Variants in SND1 observed in about 807,000 individuals in gnomAD.
SND1 encodes staphylococcal nuclease domain-containing protein 1.
SND1 carries 38 observed loss-of-function variants against 121.7 expected under a neutral mutation model. That is an observed-to-expected ratio of 0.31 (90% confidence interval 0.24 to 0.41). The LOEUF is 0.41. SND1 is among the 10% of genes least tolerant of loss of function. The pLI, the probability that SND1 is intolerant of heterozygous loss-of-function variation, is 1.00. For synonymous variants in SND1, 401 were observed against 447.4 expected, an observed-to-expected ratio of 0.90 and a Z score of 1.31; for missense variants, 868 against 1,184.6, an observed-to-expected ratio of 0.73 and a Z score of 3.92.
chr7:128,030,526 C>T (rs779286066), intron 16 of SND1: 3 of 1,613,154 alleles, frequency 1.9e-6, no homozygotes, highest in African/African-American at 2.7e-5. Context: ...CCGGCTGAGG[C>T]GGCAGCAGCG....
At chr7:127,888,236 G>A (rs944323266) in intron 13 of SND1, among the ~76,000 whole-genome samples, 1 of 152,032 alleles carries the variant, frequency 6.6e-6, no homozygotes, top group Non-Finnish European at 1.5e-5. Flanking sequence ...ATGTAAAATA[G>A]GTATATATTA....
At chr7:127,893,980 T>C (rs1004292061) in intron 13 of SND1, among the ~76,000 whole-genome samples, 2 of 152,092 alleles carry the variant, frequency 1.3e-5, no homozygotes, top group Non-Finnish European at 2.9e-5. Flanking sequence ...TTTAGTGAGA[T>C]TGGCAGTGCC....
At chr7:127,694,692 A>G (rs1795977888) in intron 2 of SND1, 136 bp from the exon 3 acceptor site, 1 of 986,890 alleles carries the variant, frequency 1.0e-6, no homozygotes, top group Admixed American at 2.3e-5. Context: ...TTTCATTTTT[A>G]TATTCTCAAG....
intron 12 of SND1, among the ~76,000 whole-genome samples, chr7:127,885,466 AAG>A (rs1263205479): frequency 2.0e-5 from 3 of 152,162 alleles, no homozygotes; most frequent in African/African-American, 7.2e-5. Context: ...CTTTAAAGGA[AAG>A]AGAGAAGAAA....
intron 1 of SND1, among the ~76,000 whole-genome samples, chr7:127,657,207 AT>A (rs1795226946): frequency 6.6e-6 from 1 of 152,250 alleles, no homozygotes; most frequent in Non-Finnish European, 1.5e-5. Context: ...AGTAGATCAA[AT>A]TTCTATCCTT....
At chr7:127,686,959 G>T in intron 2 of SND1, 197 bp downstream of exon 2, 2 of 533,464 alleles carry the variant, frequency 3.7e-6, no homozygotes, top group Non-Finnish European at 6.3e-6. Context: ...GGCAGTTGAA[G>T]TCTTAGAGCT....
At chr7:127,908,480 A>G (rs774754188) in intron 14 of SND1, among the ~76,000 whole-genome samples, 5 of 151,908 alleles carry the variant, frequency 3.3e-5, no homozygotes, top group Admixed American at 2.0e-4. Context: ...GTTTTTTGTT[A>G]TTTCCAATTT....
intron 10 of SND1, among the ~76,000 whole-genome samples, chr7:127,751,555 G>C (rs1214737832): frequency 6.6e-6 from 1 of 152,018 alleles, no homozygotes; most frequent in Non-Finnish European, 1.5e-5. Flanking sequence ...AAGGAAGTTG[G>C]CTAGAGAGAG....
intron 14 of SND1, among the ~76,000 whole-genome samples, chr7:127,913,169 T>C (rs1800494523): frequency 6.6e-6 from 1 of 152,226 alleles, no homozygotes; most frequent in African/African-American, 2.4e-5. Flanking sequence ...GAGACAGGGC[T>C]TCTTTATTTG....
chr7:127,681,582 A>G (rs1562976576), intron 1 of SND1, among the ~76,000 whole-genome samples: 2 of 152,300 alleles, frequency 1.3e-5, no homozygotes, highest in East Asian at 1.9e-4. Context: ...GTAGATTTAC[A>G]GGTTTGTTTT....
chr7:128,082,021 T>C (rs1793611873), intron 18 of SND1: 1 of 525,734 alleles, frequency 1.9e-6, no homozygotes, highest in East Asian at 5.5e-5. Context: ...GGCAGCGCTC[T>C]AGGGGAAGAC....
At chr7:128,089,440 A>G (rs1435419278) in intron 21 of SND1, 49 bp from the exon 22 acceptor site, 1 of 1,543,546 alleles carries the variant, frequency 6.5e-7, no homozygotes, top group East Asian at 2.3e-5. Flanking sequence ...GCTGGGGCCC[A>G]AGTGGTTGTT....
rs1554443863 is a variant in SND1 at position 127,926,720 on chromosome 7, T to TTGTTGTTG, written c.1528-2467_1528-2466insGTTGTTGT. Among the ~76,000 whole-genome samples the TTGTTGTTG allele has an allele frequency of 6.7e-3, 958 of 142,848 alleles. 9 individuals carry two copies. Among genetic ancestry groups the TTGTTGTTG allele is most frequent in the Middle Eastern group, 0.011 (3 of 282 alleles). The allele number at this position is 142,848 out of a possible 152,430, so 93.7% of individuals were successfully genotyped here. On this transcript the variant is annotated intron_variant, in intron 14 of 23. Coordinates refer to ENST00000354725, the MANE Select transcript of SND1 (RefSeq NM_014390.4). ...GGTGCCCACCACCACACCCGGCTAT[T>TTGTTGTTG]TTGTTGTTGTTGTTGTTGTTGTTGT...
chr7:127,801,180 C>A (rs747513138), intron 10 of SND1, among the ~76,000 whole-genome samples: 1 of 152,202 alleles, frequency 6.6e-6, no homozygotes, highest in East Asian at 1.9e-4. Context: ...TGCCACATAG[C>A]GCCACATCAA....
chr7:127,941,177 A>G (rs1801192312), intron 15 of SND1, among the ~76,000 whole-genome samples: 1 of 152,122 alleles, frequency 6.6e-6, no homozygotes, highest in South Asian at 2.1e-4. Context: ...TACTTAAATG[A>G]CCCTCTTAAT....
chr7:127,740,292 A>G (rs1421930050), intron 10 of SND1, among the ~76,000 whole-genome samples: 1 of 151,922 alleles, frequency 6.6e-6, no homozygotes, highest in Admixed American at 6.6e-5. Flanking sequence ...TAAAAAAGCC[A>G]TTTTCTTTAG....
intron 10 of SND1, among the ~76,000 whole-genome samples, chr7:127,781,866 C>A (rs941079934): frequency 1.3e-5 from 2 of 152,068 alleles, no homozygotes; most frequent in Non-Finnish European, 2.9e-5. Flanking sequence ...GGATTATTCC[C>A]AGTAATCGTT....
At chr7:127,865,417 C>G (rs1269411508) in intron 12 of SND1, among the ~76,000 whole-genome samples, 1 of 152,170 alleles carries the variant, frequency 6.6e-6, no homozygotes, top group Non-Finnish European at 1.5e-5. Context: ...CATTGTTTGT[C>G]TGTCTTTGGA....
At chr7:127,687,114 T>A (rs1313814213) in intron 2 of SND1, 1 of 174,466 alleles carries the variant, frequency 5.7e-6, no homozygotes, top group East Asian at 1.6e-4. Flanking sequence ...TAATTTATTT[T>A]TGAATTCTTC....
Sources: gnomAD v4.1 joint callset for allele counts (sites outside exome capture counted in the v4.1 genomes callset) on GRCh38, gnomAD v4.1.1 for gene constraint, MANE v1.5 for transcripts, NCBI Gene and HGNC (gene_info 2026-07-23, HGNC 2026-07-21) for gene names.